TBC1D5: variants seen among roughly 807,000 people sequenced by gnomAD.
The protein encoded by TBC1D5 is TBC1 domain family member 5.
Under a neutral mutation model 100.3 loss-of-function variants are expected in TBC1D5, and 75 were observed. The observed-to-expected ratio is 0.75, with a 90% CI of 0.62 to 0.91. The LOEUF is 0.91. Ranked by LOEUF, TBC1D5 falls within the 40% of genes least tolerant of loss-of-function variation. The probability of loss-of-function intolerance (pLI) is 0.00; values close to 1 mark genes in which losing one functional copy is unlikely to be tolerated. For synonymous variants in TBC1D5, 323 were observed against 325.6 expected (o/e 0.99, Z 0.09); for missense variants, 910 against 942.4 (o/e 0.97, Z 0.45).
chr3:17,287,832 C>T (rs563909401), intron 15 of TBC1D5, among the ~76,000 whole-genome samples: 10 of 152,150 alleles, frequency 6.6e-5, no homozygotes, highest in Admixed American at 2.0e-4. Context: ...TAGGATAAAG[C>T]GCTTTTCTGA....
At chr3:17,476,534 T>C (rs562262628) in intron 3 of TBC1D5, among the ~76,000 whole-genome samples, 2 of 151,324 alleles carry the variant, frequency 1.3e-5, no homozygotes, top group East Asian at 3.9e-4. Flanking sequence ...TACCTAGTTA[T>C]ATAAAATGTG....
At chr3:17,636,716 G>A (rs992243767) in intron 1 of TBC1D5, among the ~76,000 whole-genome samples, 6 of 151,972 alleles carry the variant, frequency 3.9e-5, no homozygotes, top group Admixed American at 3.9e-4. Flanking sequence ...CAGGAGAATG[G>A]CATGAACCCG....
chr3:17,427,413 C>T (rs1055542653), intron 4 of TBC1D5, among the ~76,000 whole-genome samples: 4 of 151,676 alleles, frequency 2.6e-5, no homozygotes, highest in African/African-American at 9.7e-5. Flanking sequence ...ATAAAAGGCC[C>T]AACTCTAGAT....
At position 17,508,609 on chromosome 3, in the gene TBC1D5, G is replaced by A. The variant is rs537670350; in HGVS notation, c.-35-4C>T. 101 of 1,423,072 alleles carry A rather than the reference G, an allele frequency of 7.1e-5. No individual in the cohort carries two copies. The East Asian group carries it at 1.8e-3, about 25-fold the overall frequency. 88.2% of individuals were successfully genotyped at this position (1,423,072 alleles called of 1,614,324 possible). ...CAGCGTCACCAAAAGTAACTACCTG[G>A]GAGGTGAAAAAATACAGAGAAAAAT... On this transcript the variant is annotated splice_polypyrimidine_tract_variant and splice_region_variant and intron_variant, in intron 2 of 21. Transcript: ENST00000253692.
At chr3:17,676,939 G>T (rs1164000422) in intron 1 of TBC1D5, among the ~76,000 whole-genome samples, 2 of 152,158 alleles carry the variant, frequency 1.3e-5, no homozygotes, top group Non-Finnish European at 2.9e-5. Flanking sequence ...TGGGAAAACT[G>T]GCTAGCCATA....
Position 17,389,475 on chromosome 3 carries a change from T to G in TBC1D5, c.510-5460A>C, listed in dbSNP as rs1455544356. On this transcript the variant is annotated intron_variant, in intron 8 of 21. Coordinates refer to ENST00000253692, the Ensembl canonical transcript of TBC1D5. ...AACACAGCTTCTGTCTGGCTCTCTC[T>G]GGACACATTCTCAGAACCAGACCAC... Among the ~76,000 whole-genome samples the G allele has an allele frequency of 3.3e-5, 5 of 152,094 alleles. No homozygotes were observed. In the East Asian group the frequency reaches 9.7e-4, roughly 29 times the overall value.
rs750065938 is a variant in TBC1D5, at chr3:17,278,443, T to C, written c.1245+13452A>G. Among the ~76,000 whole-genome samples, 72 of 152,204 alleles carry C rather than the reference T, an allele frequency of 4.7e-4. 1 individual carries two copies. Among genetic ancestry groups the C allele is most frequent in the Non-Finnish European group, 8.1e-4 (55 of 68,038 alleles). ...CATCCACTACTTGTACTAACCTATT[T>C]TGTATATTAGAAAATATATGCACAA... On this transcript the variant is annotated intron_variant, in intron 15 of 21. Transcript: ENST00000253692.
chr3:17,669,357 C>G (rs544337906), intron 1 of TBC1D5, among the ~76,000 whole-genome samples: 1 of 152,074 alleles, frequency 6.6e-6, no homozygotes, highest in East Asian at 1.9e-4. Context: ...TGAGAATGGA[C>G]TAATACAACG....
chr3:17,564,307 A>C (rs1364647304), intron 2 of TBC1D5, among the ~76,000 whole-genome samples: 2 of 152,184 alleles, frequency 1.3e-5, no homozygotes, highest in East Asian at 3.8e-4. Context: ...ATTCTCTTTC[A>C]TGATAGCCAT....
rs548649193 is a variant in TBC1D5, at chr3:17,671,674, A to T, written c.-100-47761T>A. 2.0e-5 allele frequency among the ~76,000 whole-genome samples: 3 copies of T among 152,372 alleles called. No homozygotes were observed. In the South Asian group the frequency reaches 6.2e-4, roughly 32 times the overall value. Reference sequence around the variant, plus strand: ...TCAAAAATAGATGTGAAAATCAAAGAAATAAACATTCTCCCCCAAATGTGA... The same window carrying T: ...TCAAAAATAGATGTGAAAATCAAAGTAATAAACATTCTCCCCCAAATGTGA... On this transcript the variant is annotated intron_variant, in intron 1 of 21. Transcript: ENST00000253692.
intron 3 of TBC1D5, among the ~76,000 whole-genome samples, chr3:17,460,506 G>T (rs1394879122): frequency 6.6e-6 from 1 of 152,070 alleles, no homozygotes; most frequent in Non-Finnish European, 1.5e-5. Flanking sequence ...AAGTATGTTA[G>T]TACAATTGAT....
chr3:17,643,834 G>A (rs1316554015), intron 1 of TBC1D5, among the ~76,000 whole-genome samples: 3 of 152,070 alleles, frequency 2.0e-5, no homozygotes, highest in Non-Finnish European at 4.4e-5. Context: ...TTTATTGCAA[G>A]TAATGCATCA....
chr3:17,655,362 G>C (rs1273119370), intron 1 of TBC1D5, among the ~76,000 whole-genome samples: 1 of 151,004 alleles, frequency 6.6e-6, no homozygotes, highest in Non-Finnish European at 1.5e-5. Flanking sequence ...TGCTAAATGA[G>C]GAGTTAATGG....
At chr3:17,688,134 G>T (rs549684128) in intron 1 of TBC1D5, among the ~76,000 whole-genome samples, 1 of 152,130 alleles carries the variant, frequency 6.6e-6, no homozygotes, top group East Asian at 1.9e-4. Flanking sequence ...TTACTGATAT[G>T]GAGAACTGTT....
At chr3:17,710,680 TTTATTTATTTATTTAC>T (rs1281981278) in intron 1 of TBC1D5, among the ~76,000 whole-genome samples, 167 of 151,790 alleles carry the variant, frequency 1.1e-3, no homozygotes, top group African/African-American at 3.5e-3. Flanking sequence ...TTTCATTTAT[TTTATTTATTTATTTAC>T]TTATTTATTT....
At chr3:17,614,943 G>A (rs1444139955) in intron 2 of TBC1D5, among the ~76,000 whole-genome samples, 1 of 152,140 alleles carries the variant, frequency 6.6e-6, no homozygotes, top group Non-Finnish European at 1.5e-5. Context: ...GGTGAGAGAT[G>A]GCATCCTTGT....
intron 2 of TBC1D5, among the ~76,000 whole-genome samples, chr3:17,553,883 C>T (rs962967274): frequency 6.6e-6 from 1 of 152,180 alleles, no homozygotes; most frequent in Admixed American, 6.5e-5. Flanking sequence ...TAAATGTTGA[C>T]AACAATCCAA....
chr3:17,604,765 C>A (rs2061230546), intron 2 of TBC1D5, among the ~76,000 whole-genome samples: 1 of 152,182 alleles, frequency 6.6e-6, no homozygotes. Flanking sequence ...ACCTCCACTT[C>A]CAGGGTTCAA....
rs547029113 is a variant in TBC1D5, at chr3:17,564,889, A to T, written c.-35-56284T>A. 3.0e-3 allele frequency among the ~76,000 whole-genome samples: 464 copies of T among 152,294 alleles called. 4 individuals carry two copies. The highest frequency in any genetic ancestry group is 0.011 in the African/African-American group (440 of 41,554). On this transcript the variant is annotated intron_variant, in intron 2 of 21. Transcript: ENST00000253692. ...CATGAGTGGGAAAAAAAGAAGAAAA[A>T]AATAAAATGAGCCCAAAAATCAACA... is the stretch of plus-strand genomic sequence containing the variant.
Sources: gnomAD v4.1 joint callset for allele counts (sites outside exome capture counted in the v4.1 genomes callset) on GRCh38, gnomAD v4.1.1 for gene constraint, MANE v1.5 for transcripts, NCBI Gene and HGNC (gene_info 2026-07-23, HGNC 2026-07-21) for gene names.